The following ANGPTL1 variants were observed in gnomAD, a reference collection of about 807,000 sequenced individuals.
ANGPTL1 encodes angiopoietin like 1.
In ANGPTL1, 36 loss-of-function variants were observed where a neutral mutation model predicts 46.7. The ratio of observed to expected loss-of-function variants is 0.77; its 90% CI spans 0.59 to 1.02. The LOEUF (loss-of-function observed/expected upper bound fraction) is 1.02. Among genes scored for constraint, ANGPTL1 ranks in the 50% least tolerant of loss-of-function variants. The pLI, the probability that ANGPTL1 is intolerant of heterozygous loss-of-function variation, is 0.00. For missense variants in ANGPTL1, 571 were observed against 594.7 expected (o/e 0.96, Z 0.41); for synonymous variants, 221 against 204.3 (o/e 1.08, Z -0.69).
intron 4 of ANGPTL1, 48 bp from the exon 5 acceptor site, chr1:178,853,001 G>A (rs1186998879): frequency 6.5e-7 from 1 of 1,548,188 alleles, no homozygotes; most frequent in East Asian, 2.3e-5. Context: ...TATAGAGATA[G>A]TAAACATTTT....
intron 3 of ANGPTL1, among the ~76,000 whole-genome samples, chr1:178,857,586 T>G (rs1657674015): frequency 6.6e-6 from 1 of 152,190 alleles, no homozygotes. Flanking sequence ...CCTATTAGTA[T>G]TATAGTTAAT....
intron 4 of ANGPTL1, chr1:178,853,262 C>T: frequency 1.0e-6 from 1 of 961,106 alleles, no homozygotes; most frequent in Non-Finnish European, 1.2e-6. Context: ...GTATACTACC[C>T]AGATCCTTAA....
intron 3 of ANGPTL1, among the ~76,000 whole-genome samples, chr1:178,859,969 G>A (rs1304350932): frequency 2.6e-5 from 4 of 151,578 alleles, no homozygotes; most frequent in Non-Finnish European, 5.9e-5. Flanking sequence ...CACCCGTCTC[G>A]GCTACACAAA....
intron 5 of ANGPTL1, among the ~76,000 whole-genome samples, 162 bp from the exon 6 acceptor site, chr1:178,851,478 G>A (rs1198833416): frequency 6.6e-6 from 1 of 152,058 alleles, no homozygotes; most frequent in Non-Finnish European, 1.5e-5. Flanking sequence ...GATGGCTGTT[G>A]CATCAACTGC....
intron 3 of ANGPTL1, among the ~76,000 whole-genome samples, chr1:178,857,963 A>G (rs1657706717): frequency 1.3e-5 from 2 of 152,182 alleles, no homozygotes; most frequent in African/African-American, 4.8e-5. Flanking sequence ...CTTTGATTTC[A>G]TAAGACTTCA....
chr1:178,869,462 T>C (rs1303000233), intron 1 of ANGPTL1, among the ~76,000 whole-genome samples: 1 of 152,078 alleles, frequency 6.6e-6, no homozygotes, highest in Non-Finnish European at 1.5e-5. Flanking sequence ...TAGTTATCTG[T>C]GTAATTTGGG....
intron 3 of ANGPTL1, among the ~76,000 whole-genome samples, chr1:178,858,023 T>C (rs559883980): frequency 6.6e-6 from 1 of 152,310 alleles, no homozygotes; most frequent in Non-Finnish European, 1.5e-5. Context: ...ACCCATGTTT[T>C]GCAGTGGGCT....
At chr1:178,858,208 C>G (rs1657724374) in intron 3 of ANGPTL1, among the ~76,000 whole-genome samples, 1 of 151,960 alleles carries the variant, frequency 6.6e-6, no homozygotes, top group South Asian at 2.1e-4. Flanking sequence ...TACCATTAAC[C>G]TGTCTTAGTC....
chr1:178,866,527 A>G (rs1658424160), intron 2 of ANGPTL1, among the ~76,000 whole-genome samples: 1 of 152,166 alleles, frequency 6.6e-6, no homozygotes. Flanking sequence ...GCTTATAGAT[A>G]ATTCAGCAGG....
Position 178,852,816 on chromosome 1 carries a change from G to A in ANGPTL1, c.1155C>T (p.Ser385=), listed in dbSNP as rs377271356. ...SDKKVYAEYS[S]FRLEPESEFY... ...ATTCACTTTCAGGTTCCAGACGAAA[G>A]CTGCTGTATTCTGCATAGACTTTTT... The change falls in exon 5 of 6, where the codon AGC becomes AGT. Residue 385 remains serine (S), a synonymous_variant. Coordinates refer to ENST00000234816, the MANE Select transcript of ANGPTL1 (RefSeq NM_004673.4). 45 of 1,613,788 alleles carry A rather than the reference G, an allele frequency of 2.8e-5. No homozygotes were observed. Among genetic ancestry groups the A allele is most frequent in the Non-Finnish European group, 3.6e-5 (43 of 1,179,872 alleles).
rs761969030 is a variant in ANGPTL1, at chr1:178,865,484, T to G, written c.293A>C (p.Glu98Ala). 4 of 1,614,098 alleles carry G rather than the reference T, an allele frequency of 2.5e-6. No homozygotes were observed. Among genetic ancestry groups the G allele is most frequent in the Non-Finnish European group, 2.5e-6 (3 of 1,179,994 alleles). Residue 98 changes from glutamate to alanine, a missense_variant, in exon 3 of 6, where the codon GAG (glutamate) becomes GCG (alanine). Transcript: ENST00000234816. Reference sequence around the variant, plus strand: ...CACCACCAGTTGCAGAACATCTATCTCCCGCTTCTGCCTGGAGAGCACATC... The same window carrying G: ...CACCACCAGTTGCAGAACATCTATCGCCCGCTTCTGCCTGGAGAGCACATC... The part of the protein sequence containing the change: ...LKDVLSRQKR[E>A]IDVLQLVVDV...
chr1:178,853,511 A>G (rs1657320572), intron 4 of ANGPTL1, 83 bp downstream of exon 4: 2 of 1,124,218 alleles, frequency 1.8e-6, no homozygotes, highest in Non-Finnish European at 2.4e-6. Flanking sequence ...TGTGTGTCTT[A>G]TTTATTGCAT....
Position 178,865,426 on chromosome 1 carries a change from C to T in ANGPTL1, c.351G>A (p.Lys117=). 6.2e-7 allele frequency: 1 copy of T among 1,614,012 alleles called. No homozygotes were observed. The highest frequency in any genetic ancestry group is 8.5e-7 in the Non-Finnish European group (1 of 1,179,986). The change falls in exon 3 of 6, where the codon AAG becomes AAA. Residue 117 remains lysine, a synonymous_variant. Coordinates refer to ENST00000234816, the MANE Select transcript of ANGPTL1 (RefSeq NM_004673.4). ...TGTTACGGCTTTCCTTTCTCAGCAG[C>T]TTTACCTCATTCACAATGTTTCCAT... ...DVDGNIVNEV[K]LLRKESRNMN... is the part of the protein sequence containing the mutation.
rs761302551 is a variant in ANGPTL1 at position 178,851,245 on chromosome 1, A to G, written c.1360T>C (p.Trp454Arg). 1 of 1,613,884 alleles carries G rather than the reference A, an allele frequency of 6.2e-7. No homozygotes were observed. The highest frequency in any genetic ancestry group is 8.5e-7 in the Non-Finnish European group (1 of 1,179,886). The change falls in exon 6 of 6, where the codon TGG becomes CGG. Residue 454 changes from tryptophan (W) to arginine (R), a missense_variant. Transcript: ENST00000234816. ...CTTCTGTAATGGCCTCCTCTGTACC[A>G]TACTCCATTTAGGTTAGAATGTGCA... Reference protein sequence around the residue: ...ACAHSNLNGVWYRGGHYRSKH... With the variant: ...ACAHSNLNGVRYRGGHYRSKH...
At chr1:178,854,947 A>G (rs1657429442) in intron 3 of ANGPTL1, among the ~76,000 whole-genome samples, 1 of 152,120 alleles carries the variant, frequency 6.6e-6, no homozygotes. Flanking sequence ...AGCCTTTTTT[A>G]TAAACATGCA....
intron 2 of ANGPTL1, among the ~76,000 whole-genome samples, chr1:178,867,014 C>T (rs568675031): frequency 2.6e-5 from 4 of 152,054 alleles, no homozygotes; most frequent in African/African-American, 4.8e-5. Flanking sequence ...TTCACTCTTG[C>T]GAACTTCATA....
chr1:178,858,665 A>G (rs1367495102), intron 3 of ANGPTL1, among the ~76,000 whole-genome samples: 2 of 152,208 alleles, frequency 1.3e-5, no homozygotes, highest in Non-Finnish European at 2.9e-5. Flanking sequence ...TAATGAAACC[A>G]TATTAATACC....
rs1180395311 is a variant in ANGPTL1 at position 178,856,212 on chromosome 1, T to G, written c.824-2425A>C. Among the ~76,000 whole-genome samples, 521 of 63,904 alleles carry G rather than the reference T, an allele frequency of 8.2e-3. 14 individuals are homozygous for G. Among genetic ancestry groups the G allele is most frequent in the Middle Eastern group, 0.045 (7 of 156 alleles). 41.9% of individuals were successfully genotyped at this position (63,904 alleles called of 152,430 possible). A position where few individuals can be genotyped will look rare whatever the true frequency, so the allele number is the denominator to read the frequency against. On this transcript the variant is annotated intron_variant, in intron 3 of 5. Transcript: ENST00000234816. The stretch of plus-strand genomic sequence containing the variant: ...TTCCAGAGAGAGAGAGATATATATA[T>G]ATATATATATATATATATATATGGT...
intron 2 of ANGPTL1, among the ~76,000 whole-genome samples, chr1:178,868,374 G>A (rs1658548030): frequency 6.6e-6 from 1 of 151,736 alleles, no homozygotes. Context: ...ACTTACCACT[G>A]CTAAAGTCCA....
Sources: allele counts gnomAD v4.1 joint callset (sites outside exome capture counted in the v4.1 genomes callset), GRCh38; gene constraint gnomAD v4.1.1; transcripts MANE v1.5; gene names NCBI Gene and HGNC (gene_info 2026-07-23, HGNC 2026-07-21).